The following DLGAP2 variants were observed in gnomAD, a reference collection of about 807,000 sequenced individuals.
DLGAP2 encodes DLG associated protein 2.
A neutral mutation model predicts 100.3 loss-of-function variants in DLGAP2; 26 were observed. The ratio of observed to expected loss-of-function variants is 0.26; its 90% CI spans 0.19 to 0.36. The LOEUF (loss-of-function observed/expected upper bound fraction) is 0.36, where lower values mean the gene tolerates loss of function less well. Among genes scored for constraint, DLGAP2 ranks in the 10% least tolerant of loss-of-function variants. The pLI is 1.00. For missense variants in DLGAP2, 1,858 were observed against 1,453.2 expected (o/e 1.28, Z -4.53); for synonymous variants, 886 against 630.1 (o/e 1.41, Z -6.08).
At chr8:812,264 C>A (rs930067794) in intron 1 of DLGAP2, among the ~76,000 whole-genome samples, 1 of 152,168 alleles carries the variant, frequency 6.6e-6, no homozygotes, top group African/African-American at 2.4e-5. Flanking sequence ...GGCCCCATGA[C>A]CTTCTGCGTG....
chr8:1,012,976 A>G (rs1801341631), intron 2 of DLGAP2, among the ~76,000 whole-genome samples: 1 of 152,108 alleles, frequency 6.6e-6, no homozygotes, highest in South Asian at 2.1e-4. Context: ...GTGTGGCTTC[A>G]GTTTTGCAGA....
chr8:823,305 G>C (rs1190600715), intron 1 of DLGAP2, among the ~76,000 whole-genome samples: 1 of 90,142 alleles, frequency 1.1e-5, no homozygotes, highest in African/African-American at 4.7e-5. Flanking sequence ...AGGCGAGCTT[G>C]AATTCATTAT....
intron 4 of DLGAP2, among the ~76,000 whole-genome samples, chr8:1,528,201 C>G (rs1455094345): frequency 6.6e-6 from 1 of 152,178 alleles, no homozygotes; most frequent in Non-Finnish European, 1.5e-5. Flanking sequence ...GCTGGAACAG[C>G]TGCCCCGAGG....
intron 3 of DLGAP2, among the ~76,000 whole-genome samples, chr8:1,426,813 G>T (rs571258390): frequency 6.6e-5 from 10 of 152,144 alleles, no homozygotes; most frequent in African/African-American, 2.4e-4. Context: ...AAGTAAATTA[G>T]TCGTAAAAAA....
At chr8:1,512,136 A>G (rs903334393) in intron 4 of DLGAP2, among the ~76,000 whole-genome samples, 3 of 152,232 alleles carry the variant, frequency 2.0e-5, no homozygotes, top group South Asian at 2.1e-4. Flanking sequence ...TCCACAGTTC[A>G]GTGGGAGAAG....
intron 4 of DLGAP2, among the ~76,000 whole-genome samples, chr8:1,545,959 G>A (rs1475696430): frequency 6.6e-6 from 1 of 152,128 alleles, no homozygotes; most frequent in Admixed American, 6.6e-5. Flanking sequence ...ACACGTTAAT[G>A]GAAAAACAAA....
intron 2 of DLGAP2, among the ~76,000 whole-genome samples, chr8:1,232,679 T>TAGGC (rs1187088785): frequency 1.3e-5 from 2 of 152,244 alleles, no homozygotes; most frequent in Non-Finnish European, 2.9e-5. Flanking sequence ...CTCTGTAAAG[T>TAGGC]AGGCACCCTC....
intron 1 of DLGAP2, among the ~76,000 whole-genome samples, chr8:879,344 C>G (rs1439530534): frequency 1.3e-5 from 2 of 152,188 alleles, no homozygotes; most frequent in African/African-American, 4.8e-5. Context: ...CGAAATGACA[C>G]TGTCTGCTTG....
intron 1 of DLGAP2, among the ~76,000 whole-genome samples, chr8:776,521 A>G (rs1821520401): frequency 6.6e-6 from 1 of 152,148 alleles, no homozygotes; most frequent in African/African-American, 2.4e-5. Flanking sequence ...CACTGCTTTG[A>G]ATGCGTCCCA....
intron 2 of DLGAP2, among the ~76,000 whole-genome samples, chr8:1,227,153 G>GATATATAGATATATATATAT (rs1798434761): frequency 1.1e-5 from 1 of 89,710 alleles, no homozygotes; most frequent in African/African-American, 6.5e-5. Flanking sequence ...GAAACTGTGA[G>GATATATAGATATATATATAT]ATATATATAT....
chr8:1,052,096 C>T (rs1802732859), intron 2 of DLGAP2, among the ~76,000 whole-genome samples: 2 of 152,188 alleles, frequency 1.3e-5, no homozygotes. Context: ...CGTTGTTCTC[C>T]TGTGCCTGGT....
chr8:1,331,449 C>G (rs928783639), intron 3 of DLGAP2, among the ~76,000 whole-genome samples: 1 of 152,158 alleles, frequency 6.6e-6, no homozygotes, highest in Admixed American at 6.5e-5. Context: ...TCCTTCCAGG[C>G]ACCATGCCGG....
At chr8:1,466,249 T>C (rs975267078) in intron 3 of DLGAP2, among the ~76,000 whole-genome samples, 4 of 152,250 alleles carry the variant, frequency 2.6e-5, no homozygotes, top group South Asian at 4.1e-4. Context: ...GGCTTTGCTT[T>C]TTTATCATTT....
intron 1 of DLGAP2, among the ~76,000 whole-genome samples, chr8:849,232 C>T (rs1797134608): frequency 6.6e-6 from 1 of 152,170 alleles, no homozygotes. Context: ...GTGTGTGTTC[C>T]AGCATAGGAT....
intron 2 of DLGAP2, among the ~76,000 whole-genome samples, chr8:1,168,796 A>C (rs569663247): frequency 7.9e-6 from 1 of 126,886 alleles, no homozygotes; most frequent in East Asian, 2.2e-4. Context: ...TTGTCAGATG[A>C]GTAGGTTGCG....
chr8:1,469,464 T>C (rs561596062), intron 3 of DLGAP2, among the ~76,000 whole-genome samples: 1 of 152,348 alleles, frequency 6.6e-6, no homozygotes, highest in Non-Finnish European at 1.5e-5. Context: ...TCTCTGCCAT[T>C]TCCTGTGCAG....
chr8:1,383,804 C>A (rs1285596279), intron 3 of DLGAP2, among the ~76,000 whole-genome samples: 2 of 152,206 alleles, frequency 1.3e-5, no homozygotes, highest in African/African-American at 4.8e-5. Context: ...AGATGACCAC[C>A]AGCAGCTCCC....
At chr8:1,186,908 ACAGGT>A (rs1237862003) in intron 2 of DLGAP2, among the ~76,000 whole-genome samples, 1 of 152,054 alleles carries the variant, frequency 6.6e-6, no homozygotes, top group Non-Finnish European at 1.5e-5. Flanking sequence ...TATCCCTTAA[ACAGGT>A]ATTTGGGAAA....
intron 2 of DLGAP2, among the ~76,000 whole-genome samples, chr8:1,076,738 C>A (rs948314778): frequency 1.3e-5 from 2 of 152,192 alleles, no homozygotes; most frequent in East Asian, 3.9e-4. Context: ...TAACACAGGG[C>A]CTCACACCAG....
Sources: gnomAD v4.1 joint callset for allele counts (sites outside exome capture counted in the v4.1 genomes callset) on GRCh38, gnomAD v4.1.1 for gene constraint, MANE v1.5 for transcripts, NCBI Gene and HGNC (gene_info 2026-07-23, HGNC 2026-07-21) for gene names.